Variants in ARHGAP18 observed in about 807,000 individuals in gnomAD.
ARHGAP18 encodes the protein rho GTPase-activating protein 18.
Under a neutral mutation model 86.2 loss-of-function variants are expected in ARHGAP18, and 67 were observed. The ratio of observed to expected loss-of-function variants is 0.78; its 90% CI spans 0.64 to 0.95. The LOEUF (loss-of-function observed/expected upper bound fraction) is 0.95, where lower values mean the gene tolerates loss of function less well. Among genes scored for constraint, ARHGAP18 ranks in the 40% least tolerant of loss-of-function variants. The pLI is 0.00. For synonymous variants in ARHGAP18, 283 were observed against 280.4 expected (o/e 1.01, Z -0.09); for missense variants, 691 against 780.4 (o/e 0.89, Z 1.37).
chr6:129,634,646 C>A (rs1215079097), intron 3 of ARHGAP18, among the ~76,000 whole-genome samples: 5 of 151,940 alleles, frequency 3.3e-5, no homozygotes. Context: ...GACTAATGGT[C>A]ACCTAAGAGT....
intron 1 of ARHGAP18, among the ~76,000 whole-genome samples, chr6:129,684,665 T>C (rs774578201): frequency 4.3e-4 from 66 of 152,192 alleles, no homozygotes; most frequent in Non-Finnish European, 6.6e-4. Flanking sequence ...AAAACAGCAT[T>C]AATATATCCG....
intron 14 of ARHGAP18, among the ~76,000 whole-genome samples, chr6:129,579,595 T>C (rs1434633097): frequency 6.6e-6 from 1 of 152,184 alleles, no homozygotes; most frequent in African/African-American, 2.4e-5. Flanking sequence ...TTCATTCCAT[T>C]TTTTAAATTA....
At chr6:129,669,321 G>A (rs1774101523) in intron 1 of ARHGAP18, among the ~76,000 whole-genome samples, 2 of 151,904 alleles carry the variant, frequency 1.3e-5, no homozygotes, top group African/African-American at 4.8e-5. Context: ...ACAGGCGCCC[G>A]CCACCATGCC....
rs1478055265 is a variant in ARHGAP18 at position 129,605,863 on chromosome 6, T to C, written c.1365+14A>G. ...ACTTCTAAGGGATATTTAATGTAAA[T>C]TAACCAAGCTGACCTTCAGTGTGTC... On this transcript the variant is annotated intron_variant, in intron 10 of 14. Coordinates refer to ENST00000368149, the MANE Select transcript of ARHGAP18 (RefSeq NM_033515.3). 3 of 1,608,852 alleles carry C rather than the reference T, an allele frequency of 1.9e-6. No homozygotes were observed. The highest frequency in any genetic ancestry group is 2.2e-5 in the East Asian group (1 of 44,832).
intron 12 of ARHGAP18, among the ~76,000 whole-genome samples, chr6:129,596,481 T>A (rs1486338357): frequency 1.3e-5 from 2 of 152,220 alleles, no homozygotes; most frequent in Admixed American, 1.3e-4. Flanking sequence ...GTTGTTTTTA[T>A]TACTTTTGGA....
intron 10 of ARHGAP18, among the ~76,000 whole-genome samples, chr6:129,603,621 G>A (rs949359821): frequency 6.6e-6 from 1 of 152,126 alleles, no homozygotes; most frequent in Non-Finnish European, 1.5e-5. Flanking sequence ...TGGAAGGATT[G>A]AAACAATGTA....
intron 3 of ARHGAP18, among the ~76,000 whole-genome samples, chr6:129,635,331 G>C (rs77600850): frequency 1.3e-5 from 2 of 152,142 alleles, no homozygotes; most frequent in African/African-American, 4.8e-5. Flanking sequence ...GGCTAGGGAC[G>C]TCTAGGCTAT....
chr6:129,639,988 T>C (rs1261461070), intron 2 of ARHGAP18, among the ~76,000 whole-genome samples: 1 of 136,288 alleles, frequency 7.3e-6, no homozygotes, highest in African/African-American at 2.9e-5. Context: ...GAGGTTGCAA[T>C]GAACCGAGAT....
intron 3 of ARHGAP18, among the ~76,000 whole-genome samples, chr6:129,634,343 G>A (rs886133257): frequency 2.0e-5 from 3 of 152,102 alleles, no homozygotes; most frequent in African/African-American, 7.2e-5. Flanking sequence ...AAAAAGTCAC[G>A]AGTGGGTCCC....
intron 1 of ARHGAP18, among the ~76,000 whole-genome samples, chr6:129,664,576 T>G (rs1328930695): frequency 6.6e-6 from 1 of 152,164 alleles, no homozygotes; most frequent in African/African-American, 2.4e-5. Flanking sequence ...TTCATCATTT[T>G]CCATGAGATC....
intron 1 of ARHGAP18, among the ~76,000 whole-genome samples, chr6:129,651,489 G>A (rs751919381): frequency 6.6e-6 from 1 of 152,038 alleles, no homozygotes; most frequent in Non-Finnish European, 1.5e-5. Flanking sequence ...TATCACAGAT[G>A]TTGCTTTAAC....
At chr6:129,626,745 A>C (rs542157337) in intron 5 of ARHGAP18, among the ~76,000 whole-genome samples, 1 of 152,070 alleles carries the variant, frequency 6.6e-6, no homozygotes, top group Non-Finnish European at 1.5e-5. Context: ...CATTTCTAGT[A>C]ATCATATTGT....
Position 129,650,098 on chromosome 6 carries a change from AT to A in ARHGAP18, c.114-8081del, listed in dbSNP as rs1773677653. Among the ~76,000 whole-genome samples, 6 of 111,280 alleles carry A rather than the reference AT, an allele frequency of 5.4e-5. No individual in the cohort carries two copies. In the East Asian group the frequency reaches 1.5e-3, roughly 28 times the overall value. The allele number at this position is 111,280 out of a possible 152,430, so 73.0% of individuals were successfully genotyped here. On this transcript the variant is annotated intron_variant, in intron 1 of 14. Coordinates refer to ENST00000368149, the MANE Select transcript of ARHGAP18 (RefSeq NM_033515.3). ...TGGCTAATTTTTTTTTTTTTTTTGT[AT>A]TTTTAGTAGAGACAGGGTTTCTCCA...
intron 3 of ARHGAP18, among the ~76,000 whole-genome samples, chr6:129,634,510 C>T (rs1773292040): frequency 6.6e-6 from 1 of 152,046 alleles, no homozygotes; most frequent in Admixed American, 6.6e-5. Flanking sequence ...TTGATACATG[C>T]TGCAACATAA....
At chr6:129,684,171 T>G (rs981296644) in intron 1 of ARHGAP18, among the ~76,000 whole-genome samples, 1 of 152,182 alleles carries the variant, frequency 6.6e-6, no homozygotes, top group African/African-American at 2.4e-5. Flanking sequence ...GGACTGCCAG[T>G]GACAGGAGGA....
At chr6:129,625,468 A>G (rs1318659932) in intron 5 of ARHGAP18, among the ~76,000 whole-genome samples, 1 of 49,914 alleles carries the variant, frequency 2.0e-5, no homozygotes, top group Non-Finnish European at 3.3e-5. Flanking sequence ...TATATATAAT[A>G]TATATTTTAT....
chr6:129,652,983 C>T (rs1773747802), intron 1 of ARHGAP18, among the ~76,000 whole-genome samples: 1 of 152,046 alleles, frequency 6.6e-6, no homozygotes, highest in East Asian at 1.9e-4. Flanking sequence ...CTAATAAAAA[C>T]ATCAACACAA....
chr6:129,666,329 G>A (rs540264740), intron 1 of ARHGAP18, among the ~76,000 whole-genome samples: 15 of 152,304 alleles, frequency 9.8e-5, no homozygotes, highest in African/African-American at 1.7e-4. Context: ...CCAAAAGAAC[G>A]GCAAGTGTCT....
chr6:129,615,055 C>G (rs1347547903), intron 7 of ARHGAP18, among the ~76,000 whole-genome samples: 1 of 152,190 alleles, frequency 6.6e-6, no homozygotes, highest in East Asian at 1.9e-4. Context: ...AAAAACAAAT[C>G]TCTTCCTCTC....
Sources: allele counts gnomAD v4.1 joint callset (sites outside exome capture counted in the v4.1 genomes callset), GRCh38; gene constraint gnomAD v4.1.1; transcripts MANE v1.5; gene names NCBI Gene and HGNC (gene_info 2026-07-23, HGNC 2026-07-21).